CTNND2: variants seen among roughly 807,000 people sequenced by gnomAD.
The protein encoded by CTNND2 is catenin delta-2.
Under a neutral mutation model 144.4 loss-of-function variants are expected in CTNND2, and 22 were observed. That is an observed-to-expected ratio of 0.15 (90% CI 0.11 to 0.22). CTNND2 has a LOEUF of 0.22. CTNND2 is among the 10% of genes least tolerant of loss of function. The probability of loss-of-function intolerance (pLI) is 1.00; values close to 1 mark genes in which losing one functional copy is unlikely to be tolerated. For synonymous variants in CTNND2, 751 were observed against 695.6 expected, an observed-to-expected ratio of 1.08 and a Z score of -1.25; for missense variants, 1,353 against 1,618.8, an observed-to-expected ratio of 0.84 and a Z score of 2.82.
intron 2 of CTNND2, among the ~76,000 whole-genome samples, chr5:11,585,522 A>ATCTATC (rs1252030258): frequency 1.3e-5 from 2 of 151,548 alleles, no homozygotes. Context: ...CTATCTATCT[A>ATCTATC]TATCAGATTC....
At chr5:11,318,799 C>T in intron 9 of CTNND2, among the ~76,000 whole-genome samples, 1 of 152,082 alleles carries the variant, frequency 6.6e-6, no homozygotes, top group Non-Finnish European at 1.5e-5. Flanking sequence ...TAAAAACATG[C>T]TGTAAAAGCT....
Position 11,397,291 on chromosome 5 carries a change from A to C in CTNND2, c.440-88T>G, listed in dbSNP as rs898604641. 5.6e-5 allele frequency: 62 copies of C among 1,106,786 alleles called. No individual in the cohort carries two copies. In the East Asian group the frequency reaches 1.5e-3, roughly 27 times the overall value. The allele number at this position is 1,106,786 out of a possible 1,614,324, so 68.6% of individuals were successfully genotyped here. Reference sequence around the variant, plus strand: ...TATTTATTGAGAGTAGCCTAGAATTATCTCATGCACATGATTCCAGCCATC... The same window carrying C: ...TATTTATTGAGAGTAGCCTAGAATTCTCTCATGCACATGATTCCAGCCATC... On this transcript the variant is annotated intron_variant, in intron 5 of 21. Transcript: ENST00000304623.
At chr5:11,512,345 G>T (rs10038337) in intron 3 of CTNND2, among the ~76,000 whole-genome samples, 26,227 of 152,172 alleles carry the variant, frequency 0.17, 3,711 homozygotes, top group African/African-American at 0.39. Flanking sequence ...ATTGCTGCTG[G>T]AATTCTCCTA....
intron 1 of CTNND2, among the ~76,000 whole-genome samples, chr5:11,893,230 G>A (rs901467141): frequency 1.3e-5 from 2 of 152,204 alleles, no homozygotes; most frequent in South Asian, 4.1e-4. Context: ...CATGGAGAAA[G>A]GGAAGGATTT....
intron 9 of CTNND2, among the ~76,000 whole-genome samples, chr5:11,250,481 C>CTATATA (rs1316992522): frequency 3.1e-4 from 20 of 64,186 alleles, no homozygotes; most frequent in African/African-American, 9.3e-4. Flanking sequence ...CTCTCTCTCT[C>CTATATA]TCTCTCTCTC....
intron 16 of CTNND2, among the ~76,000 whole-genome samples, chr5:11,081,090 A>ACACACACACACACT (rs1554039139): frequency 1.3e-5 from 2 of 151,426 alleles, no homozygotes; most frequent in Non-Finnish European, 2.9e-5. Context: ...ACACACACAC[A>ACACACACACACACT]CACACACACA....
chr5:11,262,563 C>G (rs1744976952), intron 9 of CTNND2, among the ~76,000 whole-genome samples: 1 of 151,868 alleles, frequency 6.6e-6, no homozygotes, highest in Admixed American at 6.6e-5. Context: ...GAGATCAAGA[C>G]CATCCTGGCT....
At chr5:11,435,335 G>C (rs1297659259) in intron 3 of CTNND2, among the ~76,000 whole-genome samples, 1 of 151,784 alleles carries the variant, frequency 6.6e-6, no homozygotes, top group Non-Finnish European at 1.5e-5. Flanking sequence ...GTAGAGATGG[G>C]GTTTCACCGT....
chr5:11,499,708 A>C (rs763204684), intron 3 of CTNND2, among the ~76,000 whole-genome samples: 1 of 152,102 alleles, frequency 6.6e-6, no homozygotes, highest in Non-Finnish European at 1.5e-5. Flanking sequence ...TTCATATAAA[A>C]ATTTCTCTTG....
intron 1 of CTNND2, among the ~76,000 whole-genome samples, chr5:11,843,165 A>G (rs1256741348): frequency 6.6e-6 from 1 of 152,224 alleles, no homozygotes; most frequent in Admixed American, 6.5e-5. Flanking sequence ...TATCTTACTA[A>G]AAAACGTGAA....
chr5:11,724,353 G>A (rs974855758), intron 2 of CTNND2, among the ~76,000 whole-genome samples: 8 of 152,292 alleles, frequency 5.3e-5, no homozygotes, highest in African/African-American at 1.4e-4. Flanking sequence ...TCTCAAAAGT[G>A]AGAGGATTTA....
In CTNND2 at chr5:11,318,864, G is replaced by C. The variant is rs955893791; in HGVS notation, c.1628+27508C>G. Among the ~76,000 whole-genome samples, 17 of 151,852 alleles carry C rather than the reference G, an allele frequency of 1.1e-4. 1 individual carries two copies. The highest frequency in any genetic ancestry group is 3.9e-4 in the African/African-American group (16 of 41,310). ...CACAACACATGCAACCACTCTAGGT[G>C]CTGCCCCATTTTTCTCTCTCTAACC... On this transcript the variant is annotated intron_variant, in intron 9 of 21. Coordinates refer to ENST00000304623, the MANE Select transcript of CTNND2 (RefSeq NM_001332.4).
chr5:11,258,840 T>C (rs190073595), intron 9 of CTNND2, among the ~76,000 whole-genome samples: 4 of 152,344 alleles, frequency 2.6e-5, no homozygotes, highest in African/African-American at 7.2e-5. Flanking sequence ...ACATTCTCCA[T>C]ATCTTTTTTC....
chr5:11,653,973 T>C (rs1782784634), intron 2 of CTNND2, among the ~76,000 whole-genome samples: 1 of 152,106 alleles, frequency 6.6e-6, no homozygotes, highest in Non-Finnish European at 1.5e-5. Flanking sequence ...TATCCAATTT[T>C]CCCAACACCA....
At chr5:11,786,084 T>C (rs1790815585) in intron 1 of CTNND2, among the ~76,000 whole-genome samples, 2 of 152,184 alleles carry the variant, frequency 1.3e-5, no homozygotes, top group South Asian at 4.1e-4. Context: ...ACCCCCATTC[T>C]GCAAGTGGGT....
chr5:11,531,036 TA>T (rs1311971068), intron 3 of CTNND2, among the ~76,000 whole-genome samples: 9 of 152,316 alleles, frequency 5.9e-5, no homozygotes, highest in African/African-American at 2.2e-4. Context: ...CCTGCAGACA[TA>T]ACTGTCATTA....
chr5:11,541,769 C>A (rs1026340131), intron 3 of CTNND2, among the ~76,000 whole-genome samples: 3 of 150,966 alleles, frequency 2.0e-5, no homozygotes, highest in Admixed American at 6.6e-5. Flanking sequence ...CCCCCGCAGT[C>A]TGTGTTCTAT....
At chr5:11,385,348 T>A in intron 6 of CTNND2, 119 bp from the exon 7 acceptor site, 1 of 609,476 alleles carries the variant, frequency 1.6e-6, no homozygotes, top group Non-Finnish European at 2.1e-6. Flanking sequence ...GCCCGGCGGC[T>A]CTGCGATCCC....
At chr5:11,826,045 C>A (rs531094421) in intron 1 of CTNND2, among the ~76,000 whole-genome samples, 1 of 151,940 alleles carries the variant, frequency 6.6e-6, no homozygotes, top group South Asian at 2.1e-4. Flanking sequence ...TCGAGATATA[C>A]ACAAAGAAAT....
Sources: gnomAD v4.1 joint callset for allele counts (sites outside exome capture counted in the v4.1 genomes callset) on GRCh38, gnomAD v4.1.1 for gene constraint, MANE v1.5 for transcripts, NCBI Gene and HGNC (gene_info 2026-07-23, HGNC 2026-07-21) for gene names.